SORCS2: variants seen among roughly 807,000 people sequenced by gnomAD.
SORCS2 encodes the protein sortilin related VPS10 domain containing receptor 2.
SORCS2 carries 100 observed loss-of-function variants against 141.6 expected under a neutral mutation model. The ratio of observed to expected loss-of-function variants is 0.71; its 90% CI spans 0.60 to 0.83. The LOEUF is 0.83. Ranked by LOEUF, SORCS2 falls within the 40% of genes least tolerant of loss-of-function variation. The pLI is 0.00. For synonymous variants in SORCS2, 789 were observed against 676.9 expected, an observed-to-expected ratio of 1.17 and a Z score of -2.57; for missense variants, 1,646 against 1,560.2, an observed-to-expected ratio of 1.05 and a Z score of -0.93.
At chr4:7,498,080 A>G (rs1191444553) in intron 2 of SORCS2, among the ~76,000 whole-genome samples, 4 of 152,206 alleles carry the variant, frequency 2.6e-5, no homozygotes, top group Non-Finnish European at 5.9e-5. Flanking sequence ...GATGACATCC[A>G]CGCACCCACA....
chr4:7,396,239 A>G, intron 1 of SORCS2, 49 bp from the exon 2 acceptor site: 1 of 1,584,524 alleles, frequency 6.3e-7, no homozygotes, highest in South Asian at 1.1e-5. Flanking sequence ...CTCTTTGAGA[A>G]CCTTGGCACC....
chr4:7,307,237 C>T lies in SORCS2; in HGVS notation c.481-89051C>T, dbSNP rs1463136464. On this transcript the variant is annotated intron_variant, in intron 1 of 26. Transcript: ENST00000507866. ...AGCCAGATAAAGGCACTGCTGTGCCCGGGAGGGATCGTTCACGGGTCCTGG... is the reference window on the plus strand; with the variant it reads ...AGCCAGATAAAGGCACTGCTGTGCCTGGGAGGGATCGTTCACGGGTCCTGG... Among the ~76,000 whole-genome samples, 6 of 152,334 alleles carry T rather than the reference C, an allele frequency of 3.9e-5. No individual in the cohort carries two copies. The South Asian group carries it at 6.2e-4, about 16-fold the overall frequency.
At chr4:7,571,104 C>T (rs1004135440) in intron 3 of SORCS2, among the ~76,000 whole-genome samples, 1 of 152,236 alleles carries the variant, frequency 6.6e-6, no homozygotes, top group Non-Finnish European at 1.5e-5. Context: ...ACAGCAGCCC[C>T]CAGCCCTGGA....
Position 7,712,869 on chromosome 4 carries a change from G to T in SORCS2, c.1989+16G>T, listed in dbSNP as rs1260823479. 3.1e-6 allele frequency: 5 copies of T among 1,613,060 alleles called. No individual in the cohort carries two copies. The Admixed American group carries it at 8.3e-5, about 27-fold the overall frequency. On this transcript the variant is annotated intron_variant, in intron 15 of 26. Coordinates refer to ENST00000507866, the MANE Select transcript of SORCS2 (RefSeq NM_020777.3). ...CAACCTGCAGGTGGGCCGGCATGAG[G>T]CTGGGATCGGGCAGGTGGGGTACAG...
At chr4:7,561,777 A>G (rs1377421204) in intron 3 of SORCS2, among the ~76,000 whole-genome samples, 2 of 151,670 alleles carry the variant, frequency 1.3e-5, no homozygotes. Flanking sequence ...CCATCTGTCC[A>G]TCTGTCCATT....
chr4:7,398,913 C>T (rs556645240), intron 2 of SORCS2, among the ~76,000 whole-genome samples: 6 of 152,286 alleles, frequency 3.9e-5, no homozygotes, highest in South Asian at 2.1e-4. Flanking sequence ...ACAGCTGGTG[C>T]GCAGTGGCAT....
intron 3 of SORCS2, among the ~76,000 whole-genome samples, chr4:7,548,890 G>T (rs571147197): frequency 1.3e-5 from 2 of 152,366 alleles, no homozygotes; most frequent in South Asian, 4.1e-4. Context: ...TGACAAAAGA[G>T]CTGGCCTTCA....
chr4:7,396,620 T>C (rs1196130090), intron 2 of SORCS2, among the ~76,000 whole-genome samples: 5 of 152,212 alleles, frequency 3.3e-5, no homozygotes, highest in African/African-American at 1.2e-4. Context: ...TTCTCCCCGC[T>C]TCCTTTTTTT....
At chr4:7,373,348 A>G (rs1465642348) in intron 1 of SORCS2, among the ~76,000 whole-genome samples, 1 of 150,730 alleles carries the variant, frequency 6.6e-6, no homozygotes, top group African/African-American at 2.4e-5. Context: ...GCATCTTTTC[A>G]TATGCTTATT....
intron 2 of SORCS2, among the ~76,000 whole-genome samples, chr4:7,448,311 C>A (rs564314952): frequency 1.3e-5 from 2 of 151,992 alleles, no homozygotes; most frequent in Non-Finnish European, 2.9e-5. Flanking sequence ...TGCTTAGGGC[C>A]CTGCGCCGGC....
chr4:7,724,717 TTGG>T (rs1346969492), intron 19 of SORCS2, among the ~76,000 whole-genome samples: 4 of 19,570 alleles, frequency 2.0e-4, no homozygotes, highest in African/African-American at 9.6e-4. Context: ...GGTGATAGTA[TTGG>T]TGGGAATGGA....
At chr4:7,738,293 C>T (rs989474872) in intron 26 of SORCS2, among the ~76,000 whole-genome samples, 27 of 152,224 alleles carry the variant, frequency 1.8e-4, no homozygotes, top group African/African-American at 5.1e-4. Flanking sequence ...CAAGTGCCGC[C>T]GGCAGCCAGG....
chr4:7,417,047 G>T (rs184499893), intron 2 of SORCS2, among the ~76,000 whole-genome samples: 4 of 152,144 alleles, frequency 2.6e-5, no homozygotes, highest in Non-Finnish European at 4.4e-5. Flanking sequence ...CTGCCCTGGG[G>T]ATATGATGCA....
At chr4:7,501,220 C>T (rs752878681) in intron 2 of SORCS2, among the ~76,000 whole-genome samples, 8 of 152,212 alleles carry the variant, frequency 5.3e-5, no homozygotes, top group Non-Finnish European at 1.0e-4. Context: ...TCCCGTCACC[C>T]GCTCGGTCCC....
chr4:7,723,854 A>C lies in SORCS2; in HGVS notation c.2582A>C (p.Asp861Ala), dbSNP rs1393513858. Residue 861 changes from aspartate (D) to alanine (A), a missense_variant, in exon 19 of 27, where the codon GAT (aspartate) becomes GCT (alanine). Transcript: ENST00000507866. ...AGGGCAGAGAACACGGCAGGCCACG[A>C]TGAGGCGGTGCTCTTTGTCCAGGTC... ...SVRAENTAGH[D>A]EAVLFVQVNS... 3.7e-6 allele frequency: 6 copies of C among 1,610,870 alleles called. No individual in the cohort carries two copies. Among genetic ancestry groups the C allele is most frequent in the Non-Finnish European group, 5.1e-6 (6 of 1,179,722 alleles).
Position 7,215,149 on chromosome 4 carries a change from C to T in SORCS2, c.480+22023C>T, listed in dbSNP as rs1159876535. 2.6e-5 allele frequency among the ~76,000 whole-genome samples: 4 copies of T among 152,126 alleles called. 1 individual carries two copies. In the South Asian group the frequency reaches 8.3e-4, roughly 32 times the overall value. ...TGGAGGGAGAGGCGCGAGCGGGAAC[C>T]GGGGCTGTGTGCGGCGCTTGCGGGC... is the stretch of plus-strand genomic sequence containing the variant. On this transcript the variant is annotated intron_variant, in intron 1 of 26. Coordinates refer to ENST00000507866, the MANE Select transcript of SORCS2 (RefSeq NM_020777.3).
chr4:7,542,398 A>G (rs890904084), intron 3 of SORCS2, among the ~76,000 whole-genome samples: 1 of 152,168 alleles, frequency 6.6e-6, no homozygotes, highest in African/African-American at 2.4e-5. Flanking sequence ...TGGTATTTTT[A>G]TAAGAAAACG....
At chr4:7,657,565 G>A (rs1187548080) in intron 5 of SORCS2, among the ~76,000 whole-genome samples, 1 of 152,218 alleles carries the variant, frequency 6.6e-6, no homozygotes, top group Admixed American at 6.5e-5. Flanking sequence ...GAATGAGTGA[G>A]CAAGTAACTG....
At chr4:7,619,094 C>T (rs1718968392) in intron 3 of SORCS2, among the ~76,000 whole-genome samples, 1 of 152,146 alleles carries the variant, frequency 6.6e-6, no homozygotes, top group Admixed American at 6.5e-5. Context: ...TGTCTCTGGG[C>T]AAGTTGGTGA....
Sources: gnomAD v4.1 joint callset for allele counts (sites outside exome capture counted in the v4.1 genomes callset) on GRCh38, gnomAD v4.1.1 for gene constraint, MANE v1.5 for transcripts, NCBI Gene and HGNC (gene_info 2026-07-23, HGNC 2026-07-21) for gene names.